The following CRPPA variants were observed in gnomAD, a reference collection of about 807,000 sequenced individuals.
The protein encoded by CRPPA is D-ribitol-5-phosphate cytidylyltransferase.
A neutral mutation model predicts 52.0 loss-of-function variants in CRPPA; 43 were observed. That is an observed-to-expected ratio of 0.83 (90% CI 0.65 to 1.07). CRPPA has a LOEUF of 1.07. CRPPA is among the 50% of genes least tolerant of loss of function. The pLI is 0.00. For synonymous variants in CRPPA, 250 were observed against 203.5 expected (o/e 1.23, Z -1.94); for missense variants, 629 against 551.7 (o/e 1.14, Z -1.40).
At chr7:16,146,446 A>T (rs1782976244) in intron 9 of CRPPA, among the ~76,000 whole-genome samples, 1 of 152,176 alleles carries the variant, frequency 6.6e-6, no homozygotes, top group Non-Finnish European at 1.5e-5. Context: ...TATAAAACTC[A>T]CTGGTAAAGA....
At chr7:16,350,421 T>C (rs971528361) in intron 3 of CRPPA, among the ~76,000 whole-genome samples, 4 of 152,078 alleles carry the variant, frequency 2.6e-5, no homozygotes, top group Non-Finnish European at 5.9e-5. Context: ...TCAAAGCACC[T>C]AAAGCTGGAA....
intron 3 of CRPPA, among the ~76,000 whole-genome samples, chr7:16,365,152 G>A (rs925236415): frequency 6.6e-6 from 1 of 152,110 alleles, no homozygotes; most frequent in African/African-American, 2.4e-5. Context: ...GCTTCCTCTG[G>A]AGACAGAGAA....
chr7:16,106,461 T>C (rs933811743), intron 9 of CRPPA, among the ~76,000 whole-genome samples: 1 of 152,134 alleles, frequency 6.6e-6, no homozygotes, highest in Non-Finnish European at 1.5e-5. Context: ...CCAGAAACTA[T>C]GCCTAATAGC....
chr7:16,312,991 A>G (rs7787075), intron 3 of CRPPA, among the ~76,000 whole-genome samples: 3,525 of 152,046 alleles, frequency 0.023, 125 homozygotes, highest in African/African-American at 0.08. Flanking sequence ...GATAAGGACC[A>G]TGACATCTCT....
At chr7:16,359,953 A>G in intron 3 of CRPPA, among the ~76,000 whole-genome samples, 1 of 151,960 alleles carries the variant, frequency 6.6e-6, no homozygotes, top group East Asian at 1.9e-4. Flanking sequence ...GGAAGTAACA[A>G]CTCTATTATT....
At chr7:16,398,786 T>G (rs961827508) in intron 2 of CRPPA, among the ~76,000 whole-genome samples, 2 of 152,200 alleles carry the variant, frequency 1.3e-5, no homozygotes, top group African/African-American at 4.8e-5. Flanking sequence ...GACACTTGAC[T>G]GACACGTGAT....
intron 2 of CRPPA, among the ~76,000 whole-genome samples, chr7:16,403,174 C>T (rs964326004): frequency 1.3e-5 from 2 of 151,898 alleles, no homozygotes; most frequent in African/African-American, 4.8e-5. Context: ...AATTTTATAC[C>T]CAGAAAAACT....
chr7:16,227,706 C>G (rs569420590), intron 8 of CRPPA, among the ~76,000 whole-genome samples: 7 of 151,704 alleles, frequency 4.6e-5, no homozygotes, highest in Middle Eastern at 3.4e-3. Context: ...TGTAAGTTGT[C>G]TCTTCATTTT....
At chr7:16,112,747 A>T (rs540778859) in intron 9 of CRPPA, among the ~76,000 whole-genome samples, 1 of 152,152 alleles carries the variant, frequency 6.6e-6, no homozygotes. Context: ...AATTTGTCCA[A>T]TGATGAAATA....
intron 8 of CRPPA, among the ~76,000 whole-genome samples, chr7:16,240,326 A>C (rs1293601079): frequency 6.6e-6 from 1 of 151,894 alleles, no homozygotes; most frequent in Non-Finnish European, 1.5e-5. Flanking sequence ...AACGCATGAA[A>C]AAATTTATAG....
intron 9 of CRPPA, among the ~76,000 whole-genome samples, chr7:16,179,372 AAAG>A (rs1284050758): frequency 1.3e-5 from 2 of 152,136 alleles, no homozygotes; most frequent in African/African-American, 4.8e-5. Context: ...ACGCACAGCA[AAAG>A]AAGTTTTGCA....
chr7:16,322,099 C>T (rs1346417698), intron 3 of CRPPA, among the ~76,000 whole-genome samples: 2 of 152,078 alleles, frequency 1.3e-5, no homozygotes, highest in East Asian at 1.9e-4. Context: ...TTTTAAGTCA[C>T]TCAATTTTGA....
chr7:16,310,633 C>T lies in CRPPA; in HGVS notation c.685-2006G>A, dbSNP rs10262657. ...TGTGACTCATCGACAAAGTCAAATA[C>T]CCAAATAAAAATATTGAAATTTCAG... On this transcript the variant is annotated intron_variant, in intron 3 of 9. Transcript: ENST00000407010. Among the ~76,000 whole-genome samples the T allele has an allele frequency of 9.0e-3, 1,374 of 151,840 alleles. 24 individuals carry two copies. The highest frequency in any genetic ancestry group is 0.032 in the African/African-American group (1,341 of 41,422).
intron 9 of CRPPA, among the ~76,000 whole-genome samples, chr7:16,093,088 T>C (rs1781867586): frequency 6.6e-6 from 1 of 152,182 alleles, no homozygotes; most frequent in Admixed American, 6.5e-5. Context: ...CAGCTGTGAA[T>C]TCCTCTAGCA....
chr7:16,286,085 TTTAA>T (rs1784438171), intron 5 of CRPPA, among the ~76,000 whole-genome samples: 2 of 15,624 alleles, frequency 1.3e-4, no homozygotes, highest in African/African-American at 5.3e-4. Context: ...ATATATAATA[TTTAA>T]AAAAAAAAAT....
chr7:16,279,464 C>G (rs1784274478), intron 5 of CRPPA, among the ~76,000 whole-genome samples: 1 of 152,020 alleles, frequency 6.6e-6, no homozygotes, highest in Non-Finnish European at 1.5e-5. Context: ...AAGTAATTTG[C>G]CCAAGACTAC....
At chr7:16,398,801 ATGAT>A (rs1287916162) in intron 2 of CRPPA, among the ~76,000 whole-genome samples, 2 of 152,174 alleles carry the variant, frequency 1.3e-5, no homozygotes, top group African/African-American at 4.8e-5. Context: ...CGTGATTAAC[ATGAT>A]TGAAACGTGA....
chr7:16,414,987 T>C (rs1368734346), intron 1 of CRPPA, among the ~76,000 whole-genome samples: 1 of 152,146 alleles, frequency 6.6e-6, no homozygotes, highest in Non-Finnish European at 1.5e-5. Flanking sequence ...AATCATAATA[T>C]ACAAATATAT....
intron 9 of CRPPA, among the ~76,000 whole-genome samples, chr7:16,214,008 G>A (rs1204258350): frequency 6.6e-6 from 1 of 152,088 alleles, no homozygotes; most frequent in Non-Finnish European, 1.5e-5. Flanking sequence ...ATTGGATAAA[G>A]TCAGAAAACT....
Sources: allele counts gnomAD v4.1 joint callset (sites outside exome capture counted in the v4.1 genomes callset), GRCh38; gene constraint gnomAD v4.1.1; transcripts MANE v1.5; gene names NCBI Gene and HGNC (gene_info 2026-07-23, HGNC 2026-07-21).